ZNF883: variants seen among roughly 807,000 people sequenced by gnomAD.
ZNF883 encodes the protein zinc finger protein 883.
downstream of ZNF883, among the ~76,000 whole-genome samples, chr9:112,995,868 T>A (rs1000994880): frequency 6.6e-5 from 10 of 152,280 alleles, no homozygotes; most frequent in African/African-American, 2.4e-4. Context: ...TTTCTTACTC[T>A]TGGATTTTTT....
exon 1 of ZNF883, chr9:112,997,170 A>C (rs1365700658): frequency 1.9e-6 from 3 of 1,611,936 alleles, no homozygotes; most frequent in Non-Finnish European, 2.5e-6. Flanking sequence ...TGTCGAATTA[A>C]GGATGTACTA....
At chr9:112,988,198 A>T (rs1828271241) in intron 1 of ZNF883, among the ~76,000 whole-genome samples, 1 of 152,168 alleles carries the variant, frequency 6.6e-6, no homozygotes, top group Non-Finnish European at 1.5e-5. Flanking sequence ...CAGGTTTGTT[A>T]CATAAGTAAA....
chr9:112,988,676 T>C (rs1359993510), intron 1 of ZNF883, among the ~76,000 whole-genome samples: 1 of 152,214 alleles, frequency 6.6e-6, no homozygotes, highest in Non-Finnish European at 1.5e-5. Context: ...TACTCAGTAA[T>C]GGGATTGCTG....
rs528372460 is a variant in ZNF883 at position 113,004,528 on chromosome 9, G to A, written n.166-2455C>T. On this transcript the variant is annotated intron_variant and non_coding_transcript_variant, in intron 2 of 4. Coordinates refer to the ZNF883 transcript ENST00000638622. ...CCTCACCAATAGGATTAGTGCACTT[G>A]TAAGAGGAAACATGAGAGAAATGAT... Among the ~76,000 whole-genome samples the A allele has an allele frequency of 2.8e-3, 427 of 152,154 alleles. 1 individual carries two copies. Among genetic ancestry groups the A allele is most frequent in the African/African-American group, 9.9e-3 (411 of 41,504 alleles).
intron 2 of ZNF883, among the ~76,000 whole-genome samples, chr9:113,009,854 T>C (rs2025545): frequency 0.59 from 89,838 of 152,074 alleles, 27,263 homozygotes; most frequent in East Asian, 0.84. Context: ...AGCCTTCTCT[T>C]ACTCCCCTAT....
upstream of ZNF883, among the ~76,000 whole-genome samples, chr9:113,000,497 T>C (rs1014501926): frequency 3.4e-4 from 52 of 152,248 alleles, no homozygotes; most frequent in African/African-American, 1.2e-3. Flanking sequence ...AGCAAGAAAG[T>C]ATAATATGAA....
In ZNF883 at chr9:112,997,648, T is replaced by C. The variant is rs765875560; in HGVS notation, n.612A>G. On this transcript the variant is annotated non_coding_transcript_exon_variant, in exon 1 of 1. Transcript: ENST00000639662. ...CATTACATTCATATGGTTTCTCTCC[T>C]GTGTGGGTTCTCTGATGTCGGATTA... The C allele has an allele frequency of 3.2e-5, 51 of 1,611,392 alleles. No homozygotes were observed. In the South Asian group the frequency reaches 3.7e-4, roughly 12 times the overall value.
At chr9:112,988,473 G>C (rs147914187) in intron 1 of ZNF883, among the ~76,000 whole-genome samples, 1 of 152,130 alleles carries the variant, frequency 6.6e-6, no homozygotes, top group Non-Finnish European at 1.5e-5. Context: ...CAAAGGACAC[G>C]ATCTGTTTCC....
chr9:113,002,452 A>C (rs891116853), upstream of ZNF883, among the ~76,000 whole-genome samples: 3 of 152,206 alleles, frequency 2.0e-5, no homozygotes, highest in Non-Finnish European at 4.4e-5. Flanking sequence ...TTAATGAAAT[A>C]CTACAGTTAA....
chr9:113,000,509 GAT>G (rs975863100), upstream of ZNF883, among the ~76,000 whole-genome samples: 3 of 152,226 alleles, frequency 2.0e-5, no homozygotes, highest in African/African-American at 7.2e-5. Context: ...TAATATGAAA[GAT>G]ATGAGCCTGG....
Position 112,990,712 on chromosome 9 carries a change from G to A in ZNF883, n.310-7133C>T, listed in dbSNP as rs534879409. The stretch of plus-strand genomic sequence containing the variant: ...GGTACCAGCTTCTCTTTGTACCCGT[G>A]GTAGAATTCAGCTGTAAATCCATCT... On this transcript the variant is annotated intron_variant and non_coding_transcript_variant, in intron 1 of 9. Transcript: ENST00000638823. Among the ~76,000 whole-genome samples, 6 of 152,270 alleles carry A rather than the reference G, an allele frequency of 3.9e-5. No individual in the cohort carries two copies. The South Asian group carries it at 1.0e-3, about 26-fold the overall frequency.
chr9:112,989,851 A>G (rs1191613803), intron 1 of ZNF883, among the ~76,000 whole-genome samples: 1 of 152,006 alleles, frequency 6.6e-6, no homozygotes, highest in Non-Finnish European at 1.5e-5. Flanking sequence ...TGTTATCTGT[A>G]TTCCTAGGTA....
At chr9:112,993,350 C>T (rs1437020089), downstream of ZNF883, among the ~76,000 whole-genome samples, 1 of 152,208 alleles carries the variant, frequency 6.6e-6, no homozygotes, top group Non-Finnish European at 1.5e-5. Flanking sequence ...CTGCAATTTG[C>T]TGGGGGTCCC....
chr9:112,998,692 G>A (rs1828391157), upstream of ZNF883: 1 of 153,012 alleles, frequency 6.5e-6, no homozygotes, highest in Non-Finnish European at 1.5e-5. Flanking sequence ...TACACTCTAT[G>A]TACTACCCAC....
At chr9:112,995,574 T>C (rs1256676486), downstream of ZNF883, among the ~76,000 whole-genome samples, 1 of 151,866 alleles carries the variant, frequency 6.6e-6, no homozygotes, top group African/African-American at 2.4e-5. Flanking sequence ...TCCTTCTCTC[T>C]TTCTTCTCTC....
At chr9:112,997,611 C>G (rs1211670871) in exon 1 of ZNF883, 4 of 1,613,614 alleles carry the variant, frequency 2.5e-6, no homozygotes, top group South Asian at 2.2e-5. Context: ...TGGCTGAAAG[C>G]TTTCCCACAT....
upstream of ZNF883, among the ~76,000 whole-genome samples, chr9:113,002,235 T>G (rs1354336391): frequency 2.0e-5 from 3 of 152,186 alleles, no homozygotes; most frequent in Non-Finnish European, 4.4e-5. Flanking sequence ...AAGTTTATTA[T>G]TTGATGTCTA....
At chr9:112,989,360 C>T (rs1032619882) in intron 1 of ZNF883, among the ~76,000 whole-genome samples, 4 of 152,148 alleles carry the variant, frequency 2.6e-5, no homozygotes, top group Middle Eastern at 3.4e-3. Flanking sequence ...GTTCTCCCAG[C>T]ACCACTTATT....
upstream of ZNF883, chr9:112,998,311 T>C (rs956600742): frequency 8.7e-6 from 12 of 1,380,118 alleles, no homozygotes; most frequent in Non-Finnish European, 8.6e-6. Flanking sequence ...TTTGTCGGTA[T>C]GTAATAGGTG....
Sources: gnomAD v4.1 joint callset for allele counts (sites outside exome capture counted in the v4.1 genomes callset) on GRCh38, gnomAD v4.1.1 for gene constraint, MANE v1.5 for transcripts, NCBI Gene and HGNC (gene_info 2026-07-23, HGNC 2026-07-21) for gene names.